Variants in TOP6BL observed in about 807,000 individuals in gnomAD.
TOP6BL encodes the protein TOP6B like initiator of meiotic double strand breaks.
chr11:66,800,940 G>GTGTAGATCTC, the TOP6BL span: 1 of 1,335,186 alleles, frequency 7.5e-7, no homozygotes, highest in South Asian at 1.2e-5. Context: ...GTAATCGCTG[G>GTGTAGATCTC]GGTGGTAGTA....
chr11:66,838,770 C>T, the TOP6BL span, among the ~76,000 whole-genome samples: 84 of 152,266 alleles, frequency 5.5e-4, no homozygotes, highest in Admixed American at 1.8e-3. Flanking sequence ...TCACCTCTGT[C>T]GCCCAGGCTG....
the TOP6BL span, chr11:66,843,154 C>A: frequency 1.9e-6 from 3 of 1,610,876 alleles, no homozygotes; most frequent in South Asian, 2.2e-5. Flanking sequence ...ACCCCGGGCC[C>A]CCTTGTTCCC....
the TOP6BL span, chr11:66,843,168 G>A: frequency 6.2e-7 from 1 of 1,611,264 alleles, no homozygotes; most frequent in Admixed American, 1.7e-5. Flanking sequence ...TGTTCCCGCA[G>A]GACGTGCTGT....
chr11:66,747,097 C>T, the TOP6BL span, among the ~76,000 whole-genome samples: 1 of 151,890 alleles, frequency 6.6e-6, no homozygotes, highest in Non-Finnish European at 1.5e-5. Context: ...CCACCACACC[C>T]GGCTAATTTT....
the TOP6BL span, chr11:66,828,422 C>G: frequency 7.5e-7 from 1 of 1,336,522 alleles, no homozygotes; most frequent in Non-Finnish European, 1.1e-6. Flanking sequence ...TATGGGAATC[C>G]TGAATTGAGG....
chr11:66,814,713 T>C, the TOP6BL span, among the ~76,000 whole-genome samples: 4 of 152,174 alleles, frequency 2.6e-5, no homozygotes, highest in Admixed American at 2.6e-4. Context: ...GGAGCAATGA[T>C]ACCTCTGAAC....
At chr11:66,835,967 C>G in the TOP6BL span, among the ~76,000 whole-genome samples, 1 of 152,132 alleles carries the variant, frequency 6.6e-6, no homozygotes, top group Non-Finnish European at 1.5e-5. Flanking sequence ...AAAGAACTTT[C>G]GAGCTGATTT....
At chr11:66,807,084 G>T in the TOP6BL span, among the ~76,000 whole-genome samples, 2 of 152,158 alleles carry the variant, frequency 1.3e-5, no homozygotes, top group East Asian at 3.9e-4. Context: ...GAGATAAATA[G>T]AACAAAGTAG....
At chr11:66,763,834 G>A in the TOP6BL span, among the ~76,000 whole-genome samples, 1 of 152,076 alleles carries the variant, frequency 6.6e-6, no homozygotes, top group East Asian at 1.9e-4. Flanking sequence ...CAAACTTCTG[G>A]TTGGTCTCAA....
chr11:66,797,646 A>T, the TOP6BL span, among the ~76,000 whole-genome samples: 1 of 152,184 alleles, frequency 6.6e-6, no homozygotes, highest in Admixed American at 6.5e-5. Flanking sequence ...CTGGGATTAC[A>T]GGTGTGCACC....
chr11:66,745,809 T>C, the TOP6BL span, among the ~76,000 whole-genome samples: 1 of 152,110 alleles, frequency 6.6e-6, no homozygotes, highest in Non-Finnish European at 1.5e-5. Flanking sequence ...TTTGTTTGTT[T>C]GTTTGTTTGT....
the TOP6BL span, among the ~76,000 whole-genome samples, chr11:66,787,714 C>T: frequency 6.9e-6 from 1 of 145,866 alleles, no homozygotes; most frequent in African/African-American, 2.6e-5. Context: ...AGTAAGACTC[C>T]GACTCAAAAA....
At chr11:66,746,594 A>G in the TOP6BL span, among the ~76,000 whole-genome samples, 24 of 152,060 alleles carry the variant, frequency 1.6e-4, no homozygotes, top group African/African-American at 5.6e-4. Context: ...CATGCCTGTA[A>G]TCCTAGCTAC....
chr11:66,790,851 T>C, the TOP6BL span, among the ~76,000 whole-genome samples: 8 of 152,094 alleles, frequency 5.3e-5, no homozygotes, highest in African/African-American at 1.9e-4. Flanking sequence ...TGGATGTCAG[T>C]CAAGATGATG....
chr11:66,817,231 A>G, the TOP6BL span, among the ~76,000 whole-genome samples: 1 of 152,124 alleles, frequency 6.6e-6, no homozygotes, highest in Admixed American at 6.5e-5. Context: ...GGAACTTTTC[A>G]TCATCATGCT....
chr11:66,748,423 A>G, the TOP6BL span: 2 of 1,548,152 alleles, frequency 1.3e-6, no homozygotes, highest in Non-Finnish European at 1.7e-6. Flanking sequence ...ACATAGATGT[A>G]TCAAAGGGAG....
At chr11:66,794,564 C>T in the TOP6BL span, among the ~76,000 whole-genome samples, 116 of 151,944 alleles carry the variant, frequency 7.6e-4, 4 homozygotes, top group South Asian at 0.023. Context: ...AATTTGGGTA[C>T]CTAATAGAGT....
At chr11:66,797,492 A>G in the TOP6BL span, among the ~76,000 whole-genome samples, 11 of 151,868 alleles carry the variant, frequency 7.2e-5, no homozygotes, top group South Asian at 4.2e-4. Flanking sequence ...TAAAGTGACT[A>G]TAAGAACAAA....
the TOP6BL span, among the ~76,000 whole-genome samples, chr11:66,795,230 T>G: frequency 6.6e-6 from 1 of 152,000 alleles, no homozygotes; most frequent in African/African-American, 2.4e-5. Context: ...TGCACAACAC[T>G]TGTCACATAG....
Sources: gnomAD v4.1 joint callset for allele counts (sites outside exome capture counted in the v4.1 genomes callset) on GRCh38, gnomAD v4.1.1 for gene constraint, MANE v1.5 for transcripts, NCBI Gene and HGNC (gene_info 2026-07-23, HGNC 2026-07-21) for gene names.